Variants in MAPK9 observed in about 807,000 individuals in gnomAD.
MAPK9 encodes the protein Jun kinase.
In MAPK9, 30 loss-of-function variants were observed where a neutral mutation model predicts 57.1. The ratio of observed to expected loss-of-function variants is 0.53; its 90% CI spans 0.39 to 0.71. MAPK9 has a LOEUF of 0.71. Ranked by LOEUF, MAPK9 falls within the 30% of genes least tolerant of loss-of-function variation. The pLI, the probability that MAPK9 is intolerant of heterozygous loss-of-function variation, is 0.00. For missense variants in MAPK9, 362 were observed against 521.0 expected (o/e 0.69, Z 2.97); for synonymous variants, 155 against 177.0 (o/e 0.88, Z 0.99).
chr5:180,282,687 C>T (rs1019395057), intron 1 of MAPK9, among the ~76,000 whole-genome samples: 1 of 152,162 alleles, frequency 6.6e-6, no homozygotes, highest in East Asian at 1.9e-4. Context: ...GGCAGGCACC[C>T]ACTACCACCT....
chr5:180,268,452 A>G (rs1760905822), intron 3 of MAPK9, among the ~76,000 whole-genome samples: 2 of 152,344 alleles, frequency 1.3e-5, no homozygotes, highest in South Asian at 2.1e-4. Flanking sequence ...ATCAATTGAT[A>G]TTCCTACTTT....
At chr5:180,280,007 A>G (rs1307652050) in intron 2 of MAPK9, 4 of 456,854 alleles carry the variant, frequency 8.8e-6, no homozygotes, top group African/African-American at 2.0e-5. Flanking sequence ...CATCCTGCCA[A>G]TGAATGGCAA....
chr5:180,264,955 CTTA>C (rs1425657857), intron 3 of MAPK9, 116 bp from the exon 4 acceptor site: 42 of 531,706 alleles, frequency 7.9e-5, no homozygotes, highest in South Asian at 1.2e-4. Context: ...TTCAGTACTT[CTTA>C]TTATTACTGC....
At chr5:180,248,235 T>C (rs961196863) in intron 6 of MAPK9, among the ~76,000 whole-genome samples, 1 of 152,240 alleles carries the variant, frequency 6.6e-6, no homozygotes, top group African/African-American at 2.4e-5. Context: ...CTAAGTGCCC[T>C]GCTGGCGGGC....
chr5:180,253,963 CTT>C (rs5873681), intron 5 of MAPK9, among the ~76,000 whole-genome samples: 40 of 109,354 alleles, frequency 3.7e-4, no homozygotes, highest in Non-Finnish European at 5.0e-4. Context: ...GCTTCAATCT[CTT>C]TTTTTTTTTT....
intron 1 of MAPK9, among the ~76,000 whole-genome samples, chr5:180,285,194 C>T (rs542013128): frequency 1.1e-3 from 174 of 152,314 alleles, no homozygotes; most frequent in African/African-American, 4.1e-3. Flanking sequence ...AAGCATATTA[C>T]TATCCCCGCT....
intron 3 of MAPK9, among the ~76,000 whole-genome samples, chr5:180,268,622 T>C (rs1760926890): frequency 6.6e-6 from 1 of 151,680 alleles, no homozygotes; most frequent in Admixed American, 6.6e-5. Context: ...GGTCAGGAGA[T>C]CGAGACCATC....
chr5:180,287,433 T>TTTTTTC (rs1762871884), intron 1 of MAPK9, among the ~76,000 whole-genome samples: 1 of 152,336 alleles, frequency 6.6e-6, no homozygotes, highest in East Asian at 1.9e-4. Flanking sequence ...AAAGAGAGAT[T>TTTTTTC]TGTTGAAAGT....
At chr5:180,284,952 A>G (rs1230320783) in intron 1 of MAPK9, among the ~76,000 whole-genome samples, 1 of 152,240 alleles carries the variant, frequency 6.6e-6, no homozygotes, top group African/African-American at 2.4e-5. Flanking sequence ...CAAGTAGAGA[A>G]ATAGTGGGAA....
intron 5 of MAPK9, among the ~76,000 whole-genome samples, chr5:180,250,776 C>T (rs1758592901): frequency 6.6e-6 from 1 of 152,080 alleles, no homozygotes; most frequent in Non-Finnish European, 1.5e-5. Context: ...AAAAAGAGGC[C>T]CCCAGCCCCT....
chr5:180,242,259 G>A (rs917306863), intron 8 of MAPK9, among the ~76,000 whole-genome samples: 1 of 152,198 alleles, frequency 6.6e-6, no homozygotes, highest in African/African-American at 2.4e-5. Context: ...CATCGCTTCT[G>A]ACTCTAGAAT....
intron 5 of MAPK9, among the ~76,000 whole-genome samples, chr5:180,253,336 G>A (rs559900372): frequency 9.1e-4 from 139 of 152,314 alleles, no homozygotes; most frequent in Non-Finnish European, 1.5e-3. Flanking sequence ...CGTGGCATGC[G>A]GAAGCCGCCC....
Position 180,253,133 on chromosome 5 carries a change from G to A in MAPK9, c.451-3995C>T, listed in dbSNP as rs904533781. 1.2e-4 allele frequency among the ~76,000 whole-genome samples: 19 copies of A among 152,322 alleles called. No homozygotes were observed. The South Asian group carries it at 1.9e-3, about 15-fold the overall frequency. On this transcript the variant is annotated intron_variant, in intron 5 of 11. Coordinates refer to ENST00000452135, the MANE Select transcript of MAPK9 (RefSeq NM_002752.5). ...CAGAGCCGTCAGCCAGGGGCCGACC[G>A]GGCAGGGATGCTGAGGCAGGCCCGT...
chr5:180,285,461 GACA>G (rs1264629721), intron 1 of MAPK9, among the ~76,000 whole-genome samples: 2 of 152,266 alleles, frequency 1.3e-5, no homozygotes, highest in African/African-American at 4.8e-5. Context: ...CTCTAACGAT[GACA>G]ACGATTCAGT....
At chr5:180,289,075 A>G (rs1763015686) in intron 1 of MAPK9, among the ~76,000 whole-genome samples, 2 of 152,260 alleles carry the variant, frequency 1.3e-5, no homozygotes. Flanking sequence ...ATGTATGTAG[A>G]CCAAAAATAG....
intron 4 of MAPK9, among the ~76,000 whole-genome samples, chr5:180,264,340 C>T (rs1170725509): frequency 6.6e-6 from 1 of 152,150 alleles, no homozygotes; most frequent in Non-Finnish European, 1.5e-5. Flanking sequence ...GGGCATTATG[C>T]CTCTCAATAG....
chr5:180,267,451 A>C lies in MAPK9; in HGVS notation c.252+1829T>G, dbSNP rs527393510. On this transcript the variant is annotated intron_variant, in intron 3 of 11. Coordinates refer to ENST00000452135, the MANE Select transcript of MAPK9 (RefSeq NM_002752.5). The stretch of plus-strand genomic sequence containing the variant: ...GTGGCGGGCACCTGTAGTCCCGGCT[A>C]CTCGGGAGGCTGAGGCAGGAGAATG... 1.7e-4 allele frequency among the ~76,000 whole-genome samples: 25 copies of C among 150,728 alleles called. No homozygotes were observed. The East Asian group carries it at 4.8e-3, about 29-fold the overall frequency.
At chr5:180,270,445 G>T (rs1006798830) in intron 2 of MAPK9, among the ~76,000 whole-genome samples, 7 of 152,228 alleles carry the variant, frequency 4.6e-5, no homozygotes, top group African/African-American at 1.4e-4. Flanking sequence ...TATGCAAATT[G>T]CACCATTTAT....
At chr5:180,255,931 A>C (rs1759229399) in intron 5 of MAPK9, among the ~76,000 whole-genome samples, 1 of 152,232 alleles carries the variant, frequency 6.6e-6, no homozygotes, top group African/African-American at 2.4e-5. Flanking sequence ...ATAAATATTT[A>C]TAGAAATATT....
Sources: allele counts gnomAD v4.1 joint callset (sites outside exome capture counted in the v4.1 genomes callset), GRCh38; gene constraint gnomAD v4.1.1; transcripts MANE v1.5; gene names NCBI Gene and HGNC (gene_info 2026-07-23, HGNC 2026-07-21).